TMEM255A: variants seen among roughly 807,000 people sequenced by gnomAD.
TMEM255A encodes the protein transmembrane protein 255A, also known as family with sequence similarity 70, member A.
A neutral mutation model predicts 23.5 loss-of-function variants in TMEM255A; 14 were observed. The observed-to-expected ratio is 0.60, with a 90% CI of 0.39 to 0.93. The LOEUF (loss-of-function observed/expected upper bound fraction) is 0.93, where lower values mean the gene tolerates loss of function less well. Among genes scored for constraint, TMEM255A ranks in the 40% least tolerant of loss-of-function variants. The probability of loss-of-function intolerance (pLI) is 0.00; values close to 1 mark genes in which losing one functional copy is unlikely to be tolerated. For missense variants in TMEM255A, 233 were observed against 261.7 expected (o/e 0.89, Z 0.76); for synonymous variants, 104 against 100.3 (o/e 1.04, Z -0.22).
intron 4 of TMEM255A, among the ~76,000 whole-genome samples, chrX:120,287,982 C>T (rs956951864): frequency 9.0e-6 from 1 of 111,294 alleles, no homozygotes; most frequent in Non-Finnish European, 1.9e-5. Context: ...TGGAAGCTTG[C>T]AGGCAGGAGC....
rs1556022905 is a variant in TMEM255A, at chrX:120,291,310, C to G, written c.295G>C (p.Gly99Arg). 8.3e-7 allele frequency: 1 copy of G among 1,209,154 alleles called. No individual in the cohort carries two copies. Among genetic ancestry groups the G allele is most frequent in the East Asian group, 3.0e-5 (1 of 33,807 alleles). ...GCACAACAAAAAGCCGCAATCACAC[C>G]AAAGCTGATAAACACGATAGAAGCC... ...LVASIVFISF[G>R]VIAAFCCAIV... Residue 99 changes from glycine (G) to arginine (R), a missense_variant, in exon 4 of 9, where the codon GGT becomes CGT. Coordinates refer to ENST00000371369, the MANE Select transcript of TMEM255A (RefSeq NM_001104544.3).
intron 2 of TMEM255A, among the ~76,000 whole-genome samples, chrX:120,303,211 G>A (rs182710567): frequency 9.0e-6 from 1 of 111,222 alleles, no homozygotes; most frequent in African/African-American, 3.3e-5. Flanking sequence ...ACAATCCACT[G>A]GAATACGGCT....
At chrX:120,295,551 T>C (rs185585717) in intron 2 of TMEM255A, among the ~76,000 whole-genome samples, 2 of 111,907 alleles carry the variant, frequency 1.8e-5, no homozygotes, top group Admixed American at 1.9e-4. Context: ...ACTGAGAACA[T>C]CCTCATTCAA....
At chrX:120,304,176 A>G (rs1264753963) in intron 2 of TMEM255A, among the ~76,000 whole-genome samples, 173 bp downstream of exon 2, 5 of 112,429 alleles carry the variant, frequency 4.4e-5, no homozygotes, top group Non-Finnish European at 9.4e-5. Flanking sequence ...TTCTCAGTCC[A>G]GTGCTCTTCT....
At chrX:120,304,753 C>T (rs1036767207) in intron 1 of TMEM255A, among the ~76,000 whole-genome samples, 6 of 111,344 alleles carry the variant, frequency 5.4e-5, no homozygotes, top group South Asian at 3.7e-4. Context: ...AAAAACAAAA[C>T]GAATTTTTGT....
At chrX:120,286,095 G>A in intron 5 of TMEM255A, 1 of 289,318 alleles carries the variant, frequency 3.5e-6, no homozygotes, top group Non-Finnish European at 5.9e-6. Context: ...CCTGAGAACA[G>A]TGAGAGAAAT....
chrX:120,296,393 T>TATTCTATTCTATTCTATTCG (rs2057955597), intron 2 of TMEM255A, among the ~76,000 whole-genome samples: 2 of 94,461 alleles, frequency 2.1e-5, no homozygotes, highest in Non-Finnish European at 4.1e-5. Context: ...TATTCTATTC[T>TATTCTATTCTATTCTATTCG]ATTCTATTCT....
chrX:120,287,084 G>T, intron 5 of TMEM255A, 70 bp downstream of exon 5: 4 of 932,469 alleles, frequency 4.3e-6, no homozygotes, highest in Non-Finnish European at 6.2e-6. Flanking sequence ...AGGAGTAAAA[G>T]AAAGGGTGTT....
chrX:120,280,185 G>A (rs2057828451), intron 6 of TMEM255A, among the ~76,000 whole-genome samples: 1 of 106,517 alleles, frequency 9.4e-6, no homozygotes, highest in African/African-American at 3.4e-5. Flanking sequence ...GTAGAGATGC[G>A]GTTCTGACAT....
chrX:120,294,604 A>G (rs2057942396), intron 2 of TMEM255A, among the ~76,000 whole-genome samples: 1 of 112,244 alleles, frequency 8.9e-6, no homozygotes, highest in Admixed American at 9.5e-5. Flanking sequence ...GTAAAGGTCA[A>G]CCATAGCTTT....
chrX:120,252,592 TG>T, the TMEM255A span: 3 of 111,944 alleles, frequency 2.7e-5, no homozygotes, highest in East Asian at 8.3e-4. Context: ...AAAAATAAAA[TG>T]TTTCGTGTTT....
chrX:120,293,591 T>C (rs781879657), intron 3 of TMEM255A, among the ~76,000 whole-genome samples: 2 of 112,869 alleles, frequency 1.8e-5, no homozygotes, highest in Non-Finnish European at 3.7e-5. Flanking sequence ...CAAAAGATTA[T>C]GTATCAGAGA....
chrX:120,294,339 CAGG>C (rs1464355925), intron 2 of TMEM255A, among the ~76,000 whole-genome samples: 8 of 105,047 alleles, frequency 7.6e-5, no homozygotes, highest in Non-Finnish European at 1.6e-4. Flanking sequence ...GAGGCTGAGG[CAGG>C]AGAATGGCGT....
chrX:120,295,659 G>C (rs1222761450), intron 2 of TMEM255A, among the ~76,000 whole-genome samples: 1 of 111,815 alleles, frequency 8.9e-6, no homozygotes, highest in Non-Finnish European at 1.9e-5. Context: ...TATCACACTA[G>C]CCTGGCTTCC....
At chrX:120,310,145 T>C (rs1255842398) in intron 1 of TMEM255A, 3 of 111,401 alleles carry the variant, frequency 2.7e-5, no homozygotes, top group African/African-American at 9.8e-5. Context: ...GACAGAGGGA[T>C]TTTGCAGAAT....
intron 3 of TMEM255A, 113 bp downstream of exon 3, chrX:120,293,876 A>C (rs2057934126): frequency 1.9e-6 from 1 of 517,639 alleles, no homozygotes; most frequent in Admixed American, 2.6e-5. Flanking sequence ...ACGGCAAAGT[A>C]GCAGTTCCTT....
At chrX:120,303,762 T>G (rs1360477623) in intron 2 of TMEM255A, among the ~76,000 whole-genome samples, 1 of 111,196 alleles carries the variant, frequency 9.0e-6, no homozygotes, top group East Asian at 2.8e-4. Context: ...TTAGTTTGTG[T>G]TCACATGAAG....
chrX:120,287,109 G>T (rs1208084763), intron 5 of TMEM255A, 45 bp downstream of exon 5: 1 of 1,090,929 alleles, frequency 9.2e-7, no homozygotes, highest in African/African-American at 1.8e-5. Context: ...GCAGAACAGG[G>T]GACTTTCCCA....
At chrX:120,270,298 T>C (rs1452375301) in intron 7 of TMEM255A, among the ~76,000 whole-genome samples, 1 of 102,735 alleles carries the variant, frequency 9.7e-6, no homozygotes, top group Non-Finnish European at 1.9e-5. Context: ...TGTGTGTTTG[T>C]GTGTGTGTGT....
Sources: allele counts gnomAD v4.1 joint callset (sites outside exome capture counted in the v4.1 genomes callset), GRCh38; gene constraint gnomAD v4.1.1; transcripts MANE v1.5; gene names NCBI Gene and HGNC (gene_info 2026-07-23, HGNC 2026-07-21).